STEEP1: variants seen among roughly 807,000 people sequenced by gnomAD.
STEEP1 encodes STING1 ER exit protein 1.
STEEP1 carries 3 observed loss-of-function variants against 19.2 expected under a neutral mutation model. The observed-to-expected ratio is 0.16, with a 90% confidence interval of 0.07 to 0.40. STEEP1 has a LOEUF of 0.40. Ranked by LOEUF, STEEP1 falls within the 10% of genes least tolerant of loss-of-function variation. The pLI is 0.99. For missense variants in STEEP1, 54 were observed against 177.1 expected (o/e 0.30, Z 3.94); for synonymous variants, 46 against 63.7 (o/e 0.72, Z 1.32).
intron 1 of STEEP1, among the ~76,000 whole-genome samples, chrX:119,564,352 C>T (rs1319038472): frequency 9.1e-6 from 1 of 109,902 alleles, no homozygotes; most frequent in East Asian, 2.9e-4. Flanking sequence ...AAAAATTAGC[C>T]GGGCATGGTG....
In STEEP1 at chrX:119,539,741, T is replaced by G. The variant is rs1309949977; in HGVS notation, c.655A>C (p.Asn219His). The change falls in exon 7 of 7, where the codon AAC (asparagine) becomes CAC (histidine). Residue 219 changes from asparagine to histidine, a missense_variant. Physicochemically the swap from Asn to His is moderately conservative, Grantham distance 68. Transcript: ENST00000644802. ...KAKMKGTLID[N>H]QFK ...AAAAGGCCTGGTTATTTGAACTGGT[T>G]GTCAATCAAGGTCCCCTTCATTTTC... The G allele has an allele frequency of 8.3e-7, 1 of 1,206,582 alleles. No individual in the cohort carries two copies. Among genetic ancestry groups the G allele is most frequent in the Non-Finnish European group, 1.1e-6 (1 of 893,075 alleles).
At chrX:119,558,076 T>G (rs2053294123) in intron 2 of STEEP1, among the ~76,000 whole-genome samples, 1 of 109,553 alleles carries the variant, frequency 9.1e-6, no homozygotes, top group Admixed American at 9.9e-5. Flanking sequence ...GCCCAACTAA[T>G]TTTTGTATTT....
At chrX:119,551,811 G>A (rs950914582) in intron 2 of STEEP1, among the ~76,000 whole-genome samples, 1 of 110,412 alleles carries the variant, frequency 9.1e-6, no homozygotes, top group Non-Finnish European at 1.9e-5. Flanking sequence ...CTGTCTACTC[G>A]GACACAGCGT....
At chrX:119,542,055 CT>C (rs201339708) in intron 5 of STEEP1, among the ~76,000 whole-genome samples, 7 of 82,902 alleles carry the variant, frequency 8.4e-5, no homozygotes, top group Non-Finnish European at 1.4e-4. Context: ...CTTTTCTTTT[CT>C]TTTTTTTTTT....
intron 2 of STEEP1, among the ~76,000 whole-genome samples, chrX:119,556,252 A>C (rs2053277407): frequency 9.0e-6 from 1 of 110,666 alleles, no homozygotes. Flanking sequence ...GGGGAAGGGG[A>C]CTGGAATATG....
chrX:119,540,398 T>A (rs1422374918), intron 6 of STEEP1, among the ~76,000 whole-genome samples: 1 of 111,580 alleles, frequency 9.0e-6, no homozygotes, highest in African/African-American at 3.3e-5. Flanking sequence ...TCTAAACGAC[T>A]ATGGCAAGGT....
rs376836550 is a variant in STEEP1, at chrX:119,542,651, C to T, written c.424-57G>A. On this transcript the variant is annotated intron_variant, in intron 4 of 6. Coordinates refer to ENST00000644802, the MANE Select transcript of STEEP1 (RefSeq NM_022101.4). ...GTTCACCAAAACAGGATCCATGAGC[C>T]GTGAGTGTGTGCGCACACGCCTGTG... is the stretch of plus-strand genomic sequence containing the variant. The T allele has an allele frequency of 4.2e-5, 37 of 874,963 alleles. No homozygotes were observed. The African/African-American group carries it at 4.9e-4, about 12-fold the overall frequency. 72.1% of individuals were successfully genotyped at this position (874,963 alleles called of 1,213,427 possible).
chrX:119,547,452 C>T (rs1052678373), intron 2 of STEEP1, among the ~76,000 whole-genome samples: 1 of 112,209 alleles, frequency 8.9e-6, no homozygotes, highest in African/African-American at 3.2e-5. Context: ...TGCATCACTG[C>T]CATTCTCACA....
chrX:119,561,149 G>C (rs749425481), intron 1 of STEEP1, among the ~76,000 whole-genome samples: 1 of 110,368 alleles, frequency 9.1e-6, no homozygotes, highest in Non-Finnish European at 1.9e-5. Flanking sequence ...TGAGGCGAGA[G>C]AATTGCTTGA....
intron 1 of STEEP1, among the ~76,000 whole-genome samples, chrX:119,563,639 G>A (rs894599443): frequency 9.0e-6 from 1 of 111,207 alleles, no homozygotes; most frequent in Non-Finnish European, 1.9e-5. Flanking sequence ...GAACCTGGGA[G>A]GCGGAAGTTG....
rs752901326 is a variant in STEEP1 at position 119,565,393 on chromosome X, G to C, written c.-38C>G. On this transcript the variant is annotated 5_prime_UTR_variant, in exon 1 of 7. Transcript: ENST00000644802. Reference sequence around the variant, plus strand: ...CAATCTGAAAACTCTACGCCAAGAAGAGGGTCGCCCCGAAATGACGTCACG... The same window carrying C: ...CAATCTGAAAACTCTACGCCAAGAACAGGGTCGCCCCGAAATGACGTCACG... 4 of 1,092,639 alleles carry C rather than the reference G, an allele frequency of 3.7e-6. No individual in the cohort carries two copies. Among genetic ancestry groups the C allele is most frequent in the Non-Finnish European group, 5.0e-6 (4 of 797,265 alleles). 90.0% of individuals were successfully genotyped at this position (1,092,639 alleles called of 1,213,427 possible). A position where few individuals can be genotyped will look rare whatever the true frequency, so the allele number is the denominator to read the frequency against.
At chrX:119,557,100 G>A (rs1289522152) in intron 2 of STEEP1, among the ~76,000 whole-genome samples, 1 of 93,242 alleles carries the variant, frequency 1.1e-5, no homozygotes, top group African/African-American at 4.0e-5. Flanking sequence ...AGGTTGCAGT[G>A]AGCTGAGATC....
intron 4 of STEEP1, among the ~76,000 whole-genome samples, 185 bp downstream of exon 4, chrX:119,544,162 AAAAAAT>A (rs1440722526): frequency 8.9e-6 from 1 of 111,846 alleles, no homozygotes; most frequent in Non-Finnish European, 1.9e-5. Context: ...TTTAACTTTT[AAAAAAT>A]AAAAATAAAG....
intron 1 of STEEP1, among the ~76,000 whole-genome samples, chrX:119,562,670 A>C (rs1457671075): frequency 1.2e-5 from 1 of 84,804 alleles, no homozygotes; most frequent in Non-Finnish European, 2.3e-5. Flanking sequence ...CTGGGCTACA[A>C]GAGCTAGACA....
At chrX:119,555,119 AAAG>A (rs1232129711) in intron 2 of STEEP1, among the ~76,000 whole-genome samples, 16 of 109,872 alleles carry the variant, frequency 1.5e-4, no homozygotes, top group Non-Finnish European at 3.0e-4. Flanking sequence ...AAAAAAAAAA[AAAG>A]ACTTCAGATG....
In STEEP1 at chrX:119,551,067, A is replaced by C. The variant is rs758756582; in HGVS notation, c.243-5563T>G. Reference sequence around the variant, plus strand: ...GTGTGCTTCAAAGAATATCATCAAAAAAGTGAGAAAACAATTCACAGGATG... The same window carrying C: ...GTGTGCTTCAAAGAATATCATCAAACAAGTGAGAAAACAATTCACAGGATG... On this transcript the variant is annotated intron_variant, in intron 2 of 6. Coordinates refer to ENST00000644802, the MANE Select transcript of STEEP1 (RefSeq NM_022101.4). 1.4e-4 allele frequency among the ~76,000 whole-genome samples: 16 copies of C among 112,509 alleles called. No individual in the cohort carries two copies. The East Asian group carries it at 1.7e-3, about 12-fold the overall frequency.
At chrX:119,549,242 G>T (rs2053228362) in intron 2 of STEEP1, among the ~76,000 whole-genome samples, 2 of 111,819 alleles carry the variant, frequency 1.8e-5, no homozygotes, top group Admixed American at 9.6e-5. Flanking sequence ...AAAGAAAATG[G>T]TAACTGTGAG....
intron 2 of STEEP1, among the ~76,000 whole-genome samples, chrX:119,559,060 T>C (rs2053303397): frequency 9.1e-6 from 1 of 109,651 alleles, no homozygotes; most frequent in Non-Finnish European, 1.9e-5. Flanking sequence ...CTACTAAAAA[T>C]ACAAAAAATT....
intron 2 of STEEP1, among the ~76,000 whole-genome samples, chrX:119,557,495 A>AG (rs1404792901): frequency 9.6e-5 from 3 of 31,112 alleles, no homozygotes; most frequent in African/African-American, 2.3e-4. Flanking sequence ...AAAAAAAAAA[A>AG]GAAAAAAGAA....
Sources: gnomAD v4.1 joint callset for allele counts (sites outside exome capture counted in the v4.1 genomes callset) on GRCh38, gnomAD v4.1.1 for gene constraint, MANE v1.5 for transcripts, NCBI Gene and HGNC (gene_info 2026-07-23, HGNC 2026-07-21) for gene names.